Variants in ZNF704 observed in about 807,000 individuals in gnomAD.
The protein encoded by ZNF704 is zinc finger protein 704.
Under a neutral mutation model 44.7 loss-of-function variants are expected in ZNF704, and 10 were observed. The observed-to-expected ratio is 0.22, with a 90% CI of 0.14 to 0.38. ZNF704 has a LOEUF of 0.38. Among genes scored for constraint, ZNF704 ranks in the 10% least tolerant of loss-of-function variants. The pLI is 1.00. For synonymous variants in ZNF704, 211 were observed against 207.6 expected (o/e 1.02, Z -0.14); for missense variants, 390 against 545.5 (o/e 0.71, Z 2.84).
At chr8:80,656,165 C>T (rs894424418) in intron 7 of ZNF704, among the ~76,000 whole-genome samples, 1 of 152,152 alleles carries the variant, frequency 6.6e-6, no homozygotes, top group Admixed American at 6.5e-5. Context: ...CTGGCATGTG[C>T]TTGTGCTCTC....
chr8:80,666,129 C>A (rs1818189973), intron 5 of ZNF704, among the ~76,000 whole-genome samples: 3 of 133,896 alleles, frequency 2.2e-5, no homozygotes, highest in Admixed American at 8.0e-5. Flanking sequence ...CCCACCCCAC[C>A]ACAGTCCCCA....
chr8:80,761,274 T>C (rs901656291), intron 2 of ZNF704, among the ~76,000 whole-genome samples: 1 of 152,182 alleles, frequency 6.6e-6, no homozygotes, highest in East Asian at 1.9e-4. Context: ...TAAGTTTCTG[T>C]TTTTACAACT....
intron 1 of ZNF704, among the ~76,000 whole-genome samples, chr8:80,827,128 C>T (rs375444566): frequency 3.3e-5 from 5 of 152,052 alleles, no homozygotes; most frequent in Non-Finnish European, 5.9e-5. Flanking sequence ...AAAGAGGAAG[C>T]CAAATTGTCC....
At chr8:80,833,847 C>G (rs1808510971) in intron 1 of ZNF704, among the ~76,000 whole-genome samples, 1 of 152,150 alleles carries the variant, frequency 6.6e-6, no homozygotes, top group Non-Finnish European at 1.5e-5. Context: ...AACCTCAAAT[C>G]TGTCTGCCAG....
chr8:80,665,145 G>T, intron 5 of ZNF704, 63 bp from the exon 6 acceptor site: 1 of 1,559,704 alleles, frequency 6.4e-7, no homozygotes, highest in Non-Finnish European at 8.8e-7. Context: ...TTGAAATCTT[G>T]CACATGCATT....
intron 7 of ZNF704, among the ~76,000 whole-genome samples, chr8:80,647,236 A>G (rs909595485): frequency 4.6e-5 from 7 of 152,216 alleles, no homozygotes; most frequent in Non-Finnish European, 8.8e-5. Context: ...ATAACAGGCT[A>G]AAGTGTAATA....
chr8:80,731,515 A>G (rs1023488333), intron 2 of ZNF704, among the ~76,000 whole-genome samples: 12 of 152,208 alleles, frequency 7.9e-5, no homozygotes, highest in Admixed American at 2.6e-4. Flanking sequence ...AATACTTCAA[A>G]ATCATCTTTA....
Position 80,650,995 on chromosome 8 carries a change from G to C in ZNF704, c.1033-7866C>G, listed in dbSNP as rs945867381. 2.6e-5 allele frequency among the ~76,000 whole-genome samples: 4 copies of C among 152,212 alleles called. No homozygotes were observed. In the South Asian group the frequency reaches 8.3e-4, roughly 32 times the overall value. ...AGCAGAAACTATACAAGCCAGAAGAGAGTGGGGGCCAATATTCAACATTCT... is the reference window on the plus strand; with the variant it reads ...AGCAGAAACTATACAAGCCAGAAGACAGTGGGGGCCAATATTCAACATTCT... On this transcript the variant is annotated intron_variant, in intron 7 of 8. Coordinates refer to ENST00000327835, the MANE Select transcript of ZNF704 (RefSeq NM_001033723.3).
chr8:80,629,977 A>G lies in ZNF704; in HGVS notation c.*11389T>C, dbSNP rs1817557967. 6.6e-6 allele frequency: 1 copy of G among 152,200 alleles called. No homozygotes were observed. The highest frequency in any genetic ancestry group is 1.5e-5 in the Non-Finnish European group (1 of 68,038). 9.4% of individuals were successfully genotyped at this position (152,200 alleles called of 1,614,324 possible). On this transcript the variant is annotated 3_prime_UTR_variant, in exon 9 of 9. Coordinates refer to ENST00000327835, the MANE Select transcript of ZNF704 (RefSeq NM_001033723.3). ...AACCATTTCCCATTTATTCATCTTA[A>G]TGATGGAATTTTTTAGAGCCTGATG... is the stretch of plus-strand genomic sequence containing the variant.
intron 6 of ZNF704, among the ~76,000 whole-genome samples, chr8:80,662,756 A>G: frequency 6.6e-6 from 1 of 152,284 alleles, no homozygotes; most frequent in East Asian, 1.9e-4. Flanking sequence ...ACATCCTCGG[A>G]CTCAATAATT....
At chr8:80,825,507 G>C (rs1808356038) in intron 1 of ZNF704, among the ~76,000 whole-genome samples, 1 of 152,246 alleles carries the variant, frequency 6.6e-6, no homozygotes, top group Admixed American at 6.5e-5. Context: ...GTCAATGTTA[G>C]ACAGATCAAC....
At chr8:80,808,910 T>C (rs1447749680) in intron 2 of ZNF704, among the ~76,000 whole-genome samples, 1 of 152,244 alleles carries the variant, frequency 6.6e-6, no homozygotes, top group Non-Finnish European at 1.5e-5. Flanking sequence ...TAAAGTCTAA[T>C]CACATCCAAG....
chr8:80,659,363 T>C (rs547355064), intron 7 of ZNF704, among the ~76,000 whole-genome samples: 26 of 152,350 alleles, frequency 1.7e-4, no homozygotes, highest in African/African-American at 5.5e-4. Flanking sequence ...AAGTTGTTTA[T>C]GAACAGTTGA....
At chr8:80,740,937 A>G (rs1253463665) in intron 2 of ZNF704, among the ~76,000 whole-genome samples, 1 of 152,242 alleles carries the variant, frequency 6.6e-6, no homozygotes, top group East Asian at 1.9e-4. Context: ...AAGCCACCCA[A>G]GCGCTTTTAA....
Position 80,630,777 on chromosome 8 carries a change from G to A in ZNF704, c.*10589C>T, listed in dbSNP as rs1389433060. 1 of 152,106 alleles carries A rather than the reference G, an allele frequency of 6.6e-6. No individual in the cohort carries two copies. The highest frequency in any genetic ancestry group is 1.5e-5 in the Non-Finnish European group (1 of 68,024). 9.4% of individuals were successfully genotyped at this position (152,106 alleles called of 1,614,324 possible). On this transcript the variant is annotated 3_prime_UTR_variant, in exon 9 of 9. Coordinates refer to ENST00000327835, the MANE Select transcript of ZNF704 (RefSeq NM_001033723.3). ...ACTTTGGAAACTATTCTAGTGTCTG[G>A]TTATTCCAGAAAGCCTATGTTTAAA...
rs191472377 is a variant in ZNF704, at chr8:80,645,415, C to T, written c.1033-2286G>A. ...ATTAGTACTTTCTCTTCTCTTTCAA[C>T]GTAAAGGAATGCACATGACACAGTT... is the stretch of plus-strand genomic sequence containing the variant. On this transcript the variant is annotated intron_variant, in intron 7 of 8. Transcript: ENST00000327835. 4.6e-5 allele frequency among the ~76,000 whole-genome samples: 7 copies of T among 152,246 alleles called. No individual in the cohort carries two copies. In the East Asian group the frequency reaches 1.4e-3, roughly 29 times the overall value.
At chr8:80,809,140 A>G (rs376659531) in intron 2 of ZNF704, among the ~76,000 whole-genome samples, 1 of 152,170 alleles carries the variant, frequency 6.6e-6, no homozygotes, top group South Asian at 2.1e-4. Flanking sequence ...CAAACACAAA[A>G]GTTAGCCAGG....
At chr8:80,743,191 C>CAA (rs59886049) in intron 2 of ZNF704, among the ~76,000 whole-genome samples, 2,690 of 35,414 alleles carry the variant, frequency 0.076, 140 homozygotes, top group Non-Finnish European at 0.094. Flanking sequence ...CTTGCAACTG[C>CAA]AAAAAAAAAA....
chr8:80,643,399 T>C (rs1817775740), intron 7 of ZNF704, among the ~76,000 whole-genome samples: 1 of 151,256 alleles, frequency 6.6e-6, no homozygotes, highest in Admixed American at 6.6e-5. Flanking sequence ...GTGCCTGTAA[T>C]CCCAGCTACT....
Sources: gnomAD v4.1 joint callset for allele counts (sites outside exome capture counted in the v4.1 genomes callset) on GRCh38, gnomAD v4.1.1 for gene constraint, MANE v1.5 for transcripts, NCBI Gene and HGNC (gene_info 2026-07-23, HGNC 2026-07-21) for gene names.